Variants in DNAJB1 observed in about 807,000 individuals in gnomAD.
DNAJB1 encodes dnaJ homolog subfamily B member 1.
Under a neutral mutation model 24.0 loss-of-function variants are expected in DNAJB1, and 14 were observed. The observed-to-expected ratio is 0.58, with a 90% CI of 0.39 to 0.91. The LOEUF (loss-of-function observed/expected upper bound fraction) is 0.91, where lower values mean the gene tolerates loss of function less well. DNAJB1 is among the 40% of genes least tolerant of loss of function. The probability of loss-of-function intolerance (pLI) is 0.00; values close to 1 mark genes in which losing one functional copy is unlikely to be tolerated. For missense variants in DNAJB1, 517 were observed against 458.1 expected (o/e 1.13, Z -1.17); for synonymous variants, 262 against 174.4 (o/e 1.50, Z -3.96).
In DNAJB1 at chr19:14,518,266, C is replaced by T. The variant is rs1352761582; in HGVS notation, c.84G>A (p.Ala28=). Residue 28 remains alanine, a synonymous_variant, in exon 1 of 3, where the codon GCG becomes GCA. Transcript: ENST00000254322. The part of the protein sequence containing the change: ...EEIKRAYRRQ[A]LRYHPDKNKE... The stretch of plus-strand genomic sequence containing the variant: ...TGTTCTTGTCCGGGTGGTAGCGCAG[C>T]GCCTGGCGGCGGTAGGCCCGCTTGA... The T allele has an allele frequency of 1.2e-6, 2 of 1,607,934 alleles. No individual in the cohort carries two copies. The highest frequency in any genetic ancestry group is 2.3e-5 in the East Asian group (1 of 43,922).
At chr19:14,550,034 A>G (rs2073442655) in intron 1 of DNAJB1, among the ~76,000 whole-genome samples, 1 of 151,750 alleles carries the variant, frequency 6.6e-6, no homozygotes, top group Non-Finnish European at 1.5e-5. Flanking sequence ...TCCATGTCGC[A>G]CGTCACCTTT....
rs577605678 is a variant in DNAJB1, at chr19:14,540,063, A to ATT, written c.-214+10143_-214+10144dup. On this transcript the variant is annotated intron_variant, in intron 1 of 3. Transcript: ENST00000676982. The stretch of plus-strand genomic sequence containing the variant: ...CCTGGCTAATTTTTGAATTTATTTA[A>ATT]TTTTTTTTTTTTTTGAGACGGAGTC... Among the ~76,000 whole-genome samples, 168 of 116,446 alleles carry ATT rather than the reference A, an allele frequency of 1.4e-3. No individual in the cohort carries two copies. In the South Asian group the frequency reaches 0.02, roughly 14 times the overall value. The allele number at this position is 116,446 out of a possible 152,430, so 76.4% of individuals were successfully genotyped here.
chr19:14,529,644 C>T (rs772597119), upstream of DNAJB1: 10 of 1,613,554 alleles, frequency 6.2e-6, no homozygotes, highest in South Asian at 6.6e-5. Flanking sequence ...TGTGCTGTGC[C>T]GCGCAGTTAG....
upstream of DNAJB1, chr19:14,529,747 C>G (rs1211040734): frequency 6.2e-7 from 1 of 1,613,750 alleles, no homozygotes; most frequent in African/African-American, 1.3e-5. Flanking sequence ...GTGGCCACTG[C>G]TGACCCATTC....
intron 1 of DNAJB1, among the ~76,000 whole-genome samples, chr19:14,538,892 A>C (rs776280461): frequency 2.3e-4 from 35 of 152,048 alleles, no homozygotes; most frequent in Non-Finnish European, 3.5e-4. Context: ...GACTGATGTC[A>C]AATCATATGC....
intron 1 of DNAJB1, among the ~76,000 whole-genome samples, chr19:14,528,460 G>C (rs548425981): frequency 6.6e-6 from 1 of 150,772 alleles, no homozygotes; most frequent in East Asian, 2.0e-4. Context: ...GGCTGGTCTC[G>C]AACTCCTCAC....
At chr19:14,518,003 G>T in intron 1 of DNAJB1, 136 bp downstream of exon 1, 5 of 990,640 alleles carry the variant, frequency 5.0e-6, no homozygotes, top group Non-Finnish European at 6.7e-6. Flanking sequence ...GCGGAGGCCC[G>T]CGAGGCCGGA....
chr19:14,518,622 G>A (rs1323757291), upstream of DNAJB1, among the ~76,000 whole-genome samples: 5 of 152,082 alleles, frequency 3.3e-5, no homozygotes, highest in Non-Finnish European at 7.4e-5. Flanking sequence ...CCCGCGGCGC[G>A]CGCGCACAGG....
chr19:14,558,915 G>A (rs1285341059), intron 1 of DNAJB1, among the ~76,000 whole-genome samples: 1 of 152,230 alleles, frequency 6.6e-6, no homozygotes, highest in Non-Finnish European at 1.5e-5. Context: ...GCAGCTGCCT[G>A]TACCCTCTGC....
At chr19:14,517,783 AG>A (rs2146522970) in intron 1 of DNAJB1, 1 of 207,956 alleles carries the variant, frequency 4.8e-6, no homozygotes, top group South Asian at 1.9e-4. Flanking sequence ...CCGGCGGCCG[AG>A]CCCAGGTGAG....
intron 1 of DNAJB1, among the ~76,000 whole-genome samples, chr19:14,541,437 T>C (rs2073094112): frequency 6.6e-6 from 1 of 152,256 alleles, no homozygotes; most frequent in Non-Finnish European, 1.5e-5. Context: ...TGTGGGCAGG[T>C]CCTGCTGGTC....
chr19:14,528,728 T>C (rs1392085974), intron 1 of DNAJB1, among the ~76,000 whole-genome samples: 2 of 151,470 alleles, frequency 1.3e-5, no homozygotes, highest in East Asian at 3.9e-4. Context: ...TCACCTGAGG[T>C]CAGGAGTTCA....
At chr19:14,540,244 A>C (rs34342397) in intron 1 of DNAJB1, among the ~76,000 whole-genome samples, 31,285 of 149,310 alleles carry the variant, frequency 0.21, 3,543 homozygotes, top group South Asian at 0.41. Flanking sequence ...TTTATTTTTT[A>C]TTTTTACTAG....
intron 1 of DNAJB1, among the ~76,000 whole-genome samples, chr19:14,550,091 C>T (rs112770094): frequency 2.6e-5 from 4 of 152,022 alleles, no homozygotes; most frequent in African/African-American, 9.7e-5. Context: ...TCTTTCTTTG[C>T]CAAGATGTGA....
At chr19:14,554,117 T>C (rs1385242460), upstream of DNAJB1, among the ~76,000 whole-genome samples, 2 of 152,136 alleles carry the variant, frequency 1.3e-5, no homozygotes, top group African/African-American at 4.8e-5. Context: ...GCTTTCAACA[T>C]GCACGCGTGG....
chr19:14,530,877 T>A (rs1279563701), upstream of DNAJB1: 2 of 152,160 alleles, frequency 1.3e-5, no homozygotes, highest in Non-Finnish European at 2.9e-5. Flanking sequence ...CCACCACCCA[T>A]CTCCAGAACT....
Position 14,515,861 on chromosome 19 carries a change from G to A in DNAJB1, c.*79C>T. On this transcript the variant is annotated 3_prime_UTR_variant, in exon 3 of 3. Transcript: ENST00000254322. ...TCCCTGGGCCCTCCCACCCTCTCATGGTCCACAACTGGTAGAAAGGTCCAG... is the reference window on the plus strand; with the variant it reads ...TCCCTGGGCCCTCCCACCCTCTCATAGTCCACAACTGGTAGAAAGGTCCAG... The A allele has an allele frequency of 1.5e-6, 2 of 1,355,348 alleles. No homozygotes were observed. Among genetic ancestry groups the A allele is most frequent in the Non-Finnish European group, 2.1e-6 (2 of 972,308 alleles). The allele number at this position is 1,355,348 out of a possible 1,614,324, so 84.0% of individuals were successfully genotyped here.
chr19:14,522,487 GAAA>G (rs60019206), upstream of DNAJB1, among the ~76,000 whole-genome samples: 14 of 59,252 alleles, frequency 2.4e-4, no homozygotes, highest in African/African-American at 3.4e-4. Flanking sequence ...CTGTCTCGAA[GAAA>G]AAAAAAAAAA....
chr19:14,546,458 G>A (rs141518165), intron 1 of DNAJB1, among the ~76,000 whole-genome samples: 218 of 152,226 alleles, frequency 1.4e-3, no homozygotes, highest in African/African-American at 5.0e-3. Flanking sequence ...GCAGTGGCAC[G>A]TGTCTGTAAT....
Sources: allele counts gnomAD v4.1 joint callset (sites outside exome capture counted in the v4.1 genomes callset), GRCh38; gene constraint gnomAD v4.1.1; transcripts MANE v1.5; gene names NCBI Gene and HGNC (gene_info 2026-07-23, HGNC 2026-07-21).